Variants in CARD14 observed in about 807,000 individuals in gnomAD.
CARD14 encodes caspase recruitment domain family member 14.
A neutral mutation model predicts 111.5 loss-of-function variants in CARD14; 107 were observed. The observed-to-expected ratio is 0.96, with a 90% CI of 0.82 to 1.13. CARD14 has a LOEUF of 1.13. Ranked by LOEUF, CARD14 falls within the 50% of genes most tolerant of loss-of-function variation. CARD14 has a pLI of 0.00. For synonymous variants in CARD14, 617 were observed against 579.6 expected, an observed-to-expected ratio of 1.06 and a Z score of -0.93; for missense variants, 1,322 against 1,362.3, an observed-to-expected ratio of 0.97 and a Z score of 0.47.
At position 80,203,916 on chromosome 17, in the gene CARD14, C is replaced by G; in HGVS notation, c.2283+31C>G. On this transcript the variant is annotated intron_variant, in intron 19 of 23. Coordinates refer to ENST00000648509, the MANE Select transcript of CARD14 (RefSeq NM_001366385.1). This position sits in a 1 kb window ranked among gnomAD's most constrained non-coding sequence, Gnocchi z 4.6. Reference sequence around the variant, plus strand: ...GCTCCAGGGAGGGGCCTGGACCCCACTGGGGTGGGCTGGAAGAGGGGCTCG... The same window carrying G: ...GCTCCAGGGAGGGGCCTGGACCCCAGTGGGGTGGGCTGGAAGAGGGGCTCG... 1.3e-6 allele frequency: 2 copies of G among 1,542,028 alleles called. No homozygotes were observed. Among genetic ancestry groups the G allele is most frequent in the East Asian group, 2.3e-5 (1 of 43,152 alleles).
At chr17:80,179,631 G>A (rs181570797) in intron 4 of CARD14, among the ~76,000 whole-genome samples, 1 of 152,238 alleles carries the variant, frequency 6.6e-6, no homozygotes, top group African/African-American at 2.4e-5. Context: ...CCAGAAGTTC[G>A]AGACCAGCCT....
Position 80,198,663 on chromosome 17 carries a change from G to C in CARD14, c.1851+72G>C. 1 of 1,608,042 alleles carries C rather than the reference G, an allele frequency of 6.2e-7. No individual in the cohort carries two copies. Among genetic ancestry groups the C allele is most frequent in the Non-Finnish European group, 8.5e-7 (1 of 1,179,462 alleles). ...CAGTGGCAGCGGGTGGGGTGACCCA[G>C]GCAGACTTCACCTCCCCCAGACGAT... On this transcript the variant is annotated intron_variant, in intron 16 of 23. Transcript: ENST00000648509. The surrounding 1 kb of genome is among the most constrained non-coding windows in gnomAD (Gnocchi z 7.5).
chr17:80,189,632 G>C lies in CARD14; in HGVS notation c.844-121G>C. On this transcript the variant is annotated intron_variant, in intron 8 of 23. Coordinates refer to ENST00000648509, the MANE Select transcript of CARD14 (RefSeq NM_001366385.1). This position sits in a 1 kb window ranked among gnomAD's most constrained non-coding sequence, Gnocchi z 4.7. ...CTTCTCTCCTGCCCGGTGTAGAGTGGCAAGACTGCATCCGTCCACACACCT... is the reference window on the plus strand; with the variant it reads ...CTTCTCTCCTGCCCGGTGTAGAGTGCCAAGACTGCATCCGTCCACACACCT... 7.9e-7 allele frequency: 1 copy of C among 1,258,410 alleles called. No individual in the cohort carries two copies. The highest frequency in any genetic ancestry group is 1.0e-6 in the Non-Finnish European group (1 of 954,226). The allele number at this position is 1,258,410 out of a possible 1,614,324, so 78.0% of individuals were successfully genotyped here.
chr17:80,192,517 C>T lies in CARD14; in HGVS notation c.1254C>T (p.Ala418=), dbSNP rs2040559425. 1 of 1,613,606 alleles carries T rather than the reference C, an allele frequency of 6.2e-7. No homozygotes were observed. Among genetic ancestry groups the T allele is most frequent in the Non-Finnish European group, 8.5e-7 (1 of 1,179,800 alleles). Residue 418 remains alanine (A), a synonymous_variant, in exon 12 of 24, where the codon GCC becomes GCT. Transcript: ENST00000648509. ...GTCTTTGGCAGCTCAAGCAGGAAGCCAGGACCAGGGAGCCCTGTCCACGGG... is the reference window on the plus strand; with the variant it reads ...GTCTTTGGCAGCTCAAGCAGGAAGCTAGGACCAGGGAGCCCTGTCCACGGG... ...AEPPGVLKQE[A]RTREPCPREK...
At chr17:80,171,703 G>A (rs1233619120) in intron 1 of CARD14, among the ~76,000 whole-genome samples, 1 of 152,200 alleles carries the variant, frequency 6.6e-6, no homozygotes, top group Non-Finnish European at 1.5e-5. Context: ...AGCCTGAGGG[G>A]CAGCTGGCTG....
intron 9 of CARD14, among the ~76,000 whole-genome samples, chr17:80,190,172 A>G (rs1260863658): frequency 1.3e-5 from 2 of 152,226 alleles, no homozygotes; most frequent in Non-Finnish European, 2.9e-5. Context: ...AGGAGACGGT[A>G]GAAGAGAAGA....
intron 12 of CARD14, among the ~76,000 whole-genome samples, chr17:80,193,430 A>ACCCGATTCGACC (rs1555613326): frequency 3.5e-5 from 5 of 143,192 alleles, no homozygotes; most frequent in East Asian, 2.1e-4. Flanking sequence ...GGTCCCTGGG[A>ACCCGATTCGACC]TGCCGGCCTC....
rs1475451910 is a variant in CARD14, at chr17:80,182,575, C to G, written c.212-78C>G. On this transcript the variant is annotated intron_variant, in intron 5 of 23. Coordinates refer to ENST00000648509, the MANE Select transcript of CARD14 (RefSeq NM_001366385.1). This position sits in a 1 kb window ranked among gnomAD's most constrained non-coding sequence, Gnocchi z 4.7. ...GGGTTTCCCAGCCCCAGGCCTCTCC[C>G]CCGTGGGGAAGCCAGCCAGGGAGCC... 1.3e-6 allele frequency: 2 copies of G among 1,558,540 alleles called. No homozygotes were observed. Among genetic ancestry groups the G allele is most frequent in the East Asian group, 2.3e-5 (1 of 43,246 alleles).
In CARD14 at chr17:80,188,589, G is replaced by A. The variant is rs765778353; in HGVS notation, c.843+45G>A. 7 of 1,412,878 alleles carry A rather than the reference G, an allele frequency of 5.0e-6. No homozygotes were observed. Among genetic ancestry groups the A allele is most frequent in the Non-Finnish European group, 5.6e-6 (6 of 1,078,464 alleles). 87.5% of individuals were successfully genotyped at this position (1,412,878 alleles called of 1,614,324 possible). ...GCAGAGAGCGGCCTCCTGCCTTGGG[G>A]GCTTGGCCCTCAGGCTGTGGGGTTT... On this transcript the variant is annotated intron_variant, in intron 8 of 23. Transcript: ENST00000648509. The surrounding 1 kb of genome is among the most constrained non-coding windows in gnomAD (Gnocchi z 4.5).
chr17:80,196,342 A>C (rs1418617872), intron 14 of CARD14: 1 of 152,062 alleles, frequency 6.6e-6, no homozygotes, highest in Non-Finnish European at 1.5e-5. Context: ...ATCTTTGGGG[A>C]CTCATACACG....
chr17:80,195,343 T>G lies in CARD14; in HGVS notation c.1499+10T>G. The G allele has an allele frequency of 6.2e-7, 1 of 1,604,114 alleles. No individual in the cohort carries two copies. Reference sequence around the variant, plus strand: ...AACCCTGGTCTTTCAGGTAGAGCACTGGGGTCCTTCCTGGCACTGGGGTGG... The same window carrying G: ...AACCCTGGTCTTTCAGGTAGAGCACGGGGGTCCTTCCTGGCACTGGGGTGG... On this transcript the variant is annotated intron_variant, in intron 13 of 23. Transcript: ENST00000648509. This position sits in a 1 kb window ranked among gnomAD's most constrained non-coding sequence, Gnocchi z 4.7.
At chr17:80,207,630 G>C (rs1179117507) in intron 23 of CARD14, 1 of 157,392 alleles carries the variant, frequency 6.4e-6, no homozygotes, top group Non-Finnish European at 1.4e-5. Flanking sequence ...GGCCTCTCCA[G>C]AATCTTGATA....
Position 80,202,281 on chromosome 17 carries a change from G to T in CARD14, c.2080G>T (p.Glu694Ter). 1.2e-6 allele frequency: 2 copies of T among 1,613,948 alleles called. No homozygotes were observed. Among genetic ancestry groups the T allele is most frequent in the Non-Finnish European group, 1.7e-6 (2 of 1,180,050 alleles). ...GGCCATGGAGGGCAGGGCCAAAGGG[G>T]AGCTGCAGGTGCATTGCAACGAGGT... ...NLAMEGRAKG[E>*]LQVHCNEVLH... The change falls in exon 18 of 24, where the codon GAG becomes TAG. Residue 694 changes from glutamate to a stop codon, truncating the protein, a stop_gained. Coordinates refer to ENST00000648509, the MANE Select transcript of CARD14 (RefSeq NM_001366385.1). LOFTEE classifies it high-confidence loss of function.
At position 80,181,623 on chromosome 17, in the gene CARD14, G is replaced by T. The variant is rs115582620; in HGVS notation, c.185G>T (p.Arg62Leu). 1 of 1,552,610 alleles carries T rather than the reference G, an allele frequency of 6.4e-7. No individual in the cohort carries two copies. The highest frequency in any genetic ancestry group is 8.7e-7 in the Non-Finnish European group (1 of 1,148,528). Residue 62 changes from arginine (R) to leucine (L), a missense_variant, in exon 5 of 24, where the codon CGG becomes CTG. By Grantham distance (102) the Arg-to-Leu change is moderately radical. Coordinates refer to ENST00000648509, the MANE Select transcript of CARD14 (RefSeq NM_001366385.1). ...LDEEEVLHSP[R>L]LTNSAMRAGH... Reference sequence around the variant, plus strand: ...GAGGAGGAGGTGCTGCACAGCCCCCGGCTCACCAACAGCGCCATGCGGGCC... The same window carrying T: ...GAGGAGGAGGTGCTGCACAGCCCCCTGCTCACCAACAGCGCCATGCGGGCC...
chr17:80,205,656 A>C lies in CARD14; in HGVS notation c.2691+4A>C. 1 of 1,008,480 alleles carries C rather than the reference A, an allele frequency of 9.9e-7. No homozygotes were observed. Among genetic ancestry groups the C allele is most frequent in the Non-Finnish European group, 1.4e-6 (1 of 714,186 alleles). 62.5% of individuals were successfully genotyped at this position (1,008,480 alleles called of 1,614,324 possible). A position where few individuals can be genotyped will look rare whatever the true frequency, so the allele number is the denominator to read the frequency against. On this transcript the variant is annotated splice_donor_region_variant and intron_variant, in intron 22 of 23. Coordinates refer to ENST00000648509, the MANE Select transcript of CARD14 (RefSeq NM_001366385.1). ...TGTGGAGTCCCTCATGGAAAAGGTG[A>C]GGTCAAGGGCGGGGTGGGCAGGGGA...
At position 80,201,736 on chromosome 17, in the gene CARD14, G is replaced by A. The variant is rs544120287; in HGVS notation, c.1852-8G>A. The A allele has an allele frequency of 1.1e-4, 185 of 1,613,934 alleles. 2 individuals are homozygous for A. The South Asian group carries it at 1.9e-3, about 17-fold the overall frequency. On this transcript the variant is annotated splice_polypyrimidine_tract_variant and splice_region_variant and intron_variant, in intron 16 of 23. Transcript: ENST00000648509. This position sits in a 1 kb window ranked among gnomAD's most constrained non-coding sequence, Gnocchi z 5.0. ...GGAAAGAGACTGACCTTCTCGACTT[G>A]CCCTCAGGTTGATTACGAAGCCTCA...
intron 1 of CARD14, among the ~76,000 whole-genome samples, chr17:80,172,311 A>T (rs1462818632): frequency 6.6e-6 from 1 of 152,222 alleles, no homozygotes; most frequent in Non-Finnish European, 1.5e-5. Flanking sequence ...ATGTTTCGTA[A>T]GAGATTTGGG....
intron 20 of CARD14, 69 bp from the exon 21 acceptor site, chr17:80,204,966 C>T: frequency 1.5e-6 from 2 of 1,361,082 alleles, no homozygotes; most frequent in African/African-American, 1.5e-5. Context: ...CCCAGTCCCT[C>T]CCGGGGCAGG....
chr17:80,195,379 C>A lies in CARD14; in HGVS notation c.1499+46C>A. ...CTGGCACTGGGGTGGCACTGGGGTC[C>A]TTCCTGGCAACTCACCAGAGACACC... On this transcript the variant is annotated intron_variant, in intron 13 of 23. Coordinates refer to ENST00000648509, the MANE Select transcript of CARD14 (RefSeq NM_001366385.1). The surrounding 1 kb of genome is among the most constrained non-coding windows in gnomAD (Gnocchi z 4.7). 6.3e-7 allele frequency: 1 copy of A among 1,578,934 alleles called. No individual in the cohort carries two copies. Among genetic ancestry groups the A allele is most frequent in the Non-Finnish European group, 8.6e-7 (1 of 1,158,322 alleles).
Sources: allele counts gnomAD v4.1 joint callset (sites outside exome capture counted in the v4.1 genomes callset), GRCh38; gene constraint gnomAD v4.1.1; non-coding constraint Gnocchi (gnomAD v3.1); transcripts MANE v1.5; gene names NCBI Gene and HGNC (gene_info 2026-07-23, HGNC 2026-07-21).